The following DLGAP2 variants were observed in gnomAD, a reference collection of about 807,000 sequenced individuals.
The protein encoded by DLGAP2 is disks large-associated protein 2.
DLGAP2 carries 26 observed loss-of-function variants against 100.3 expected under a neutral mutation model. That is an observed-to-expected ratio of 0.26 (90% CI 0.19 to 0.36). The LOEUF is 0.36. Among genes scored for constraint, DLGAP2 ranks in the 10% least tolerant of loss-of-function variants. The pLI, the probability that DLGAP2 is intolerant of heterozygous loss-of-function variation, is 1.00. For missense variants in DLGAP2, 1,858 were observed against 1,453.2 expected (o/e 1.28, Z -4.53); for synonymous variants, 886 against 630.1 (o/e 1.41, Z -6.08).
At chr8:1,080,454 G>A (rs996288187) in intron 2 of DLGAP2, among the ~76,000 whole-genome samples, 5 of 152,208 alleles carry the variant, frequency 3.3e-5, no homozygotes, top group Admixed American at 2.6e-4. Flanking sequence ...GTGCTCACAC[G>A]TCTGAAGTGG....
intron 2 of DLGAP2, among the ~76,000 whole-genome samples, chr8:1,233,956 G>C (rs1798590664): frequency 6.6e-6 from 1 of 152,164 alleles, no homozygotes; most frequent in African/African-American, 2.4e-5. Flanking sequence ...CTAGGACGGG[G>C]TTTGACCAGG....
chr8:1,296,005 C>T (rs753161936), intron 3 of DLGAP2: 7 of 152,164 alleles, frequency 4.6e-5, no homozygotes, highest in Non-Finnish European at 8.8e-5. Flanking sequence ...TGAAGGTCAC[C>T]GAGCGCGTTA....
At chr8:1,156,981 C>T (rs1027146375) in intron 2 of DLGAP2, among the ~76,000 whole-genome samples, 26 of 152,084 alleles carry the variant, frequency 1.7e-4, no homozygotes, top group African/African-American at 6.3e-4. Flanking sequence ...ACTGTTACAG[C>T]TCCTCCCCCG....
chr8:1,264,923 A>G (rs1799422280), intron 3 of DLGAP2, among the ~76,000 whole-genome samples: 1 of 152,154 alleles, frequency 6.6e-6, no homozygotes, highest in African/African-American at 2.4e-5. Context: ...TGGTTTCATA[A>G]AGGGCAGTTC....
At chr8:1,490,715 C>G (rs1345529975) in intron 3 of DLGAP2, among the ~76,000 whole-genome samples, 2 of 152,268 alleles carry the variant, frequency 1.3e-5, no homozygotes, top group African/African-American at 4.8e-5. Context: ...ATGAACTGAC[C>G]TGGGCCCCAC....
rs74814607 is a variant in DLGAP2 at position 1,263,543 on chromosome 8, G to A, written c.106+4660G>A. 6.7e-3 allele frequency among the ~76,000 whole-genome samples: 1,021 copies of A among 152,270 alleles called. 9 individuals carry two copies. The highest frequency in any genetic ancestry group is 0.012 in the Admixed American group (177 of 15,286). On this transcript the variant is annotated intron_variant, in intron 3 of 14. Coordinates refer to ENST00000637795, the MANE Select transcript of DLGAP2 (RefSeq NM_001346810.2). Reference sequence around the variant, plus strand: ...TGGGAAAGTTTTCGTGCAGTTAGTAGCATTAAGTTCTTGCTTTTTAAATAC... The same window carrying A: ...TGGGAAAGTTTTCGTGCAGTTAGTAACATTAAGTTCTTGCTTTTTAAATAC...
At chr8:814,686 A>G (rs1363654208) in intron 1 of DLGAP2, among the ~76,000 whole-genome samples, 2 of 151,356 alleles carry the variant, frequency 1.3e-5, no homozygotes, top group Admixed American at 1.3e-4. Flanking sequence ...TCTCTACTAA[A>G]AATACAAAAA....
At chr8:1,653,540 T>C (rs916154122) in intron 8 of DLGAP2, among the ~76,000 whole-genome samples, 2 of 152,224 alleles carry the variant, frequency 1.3e-5, no homozygotes, top group African/African-American at 4.8e-5. Flanking sequence ...GCAACTTCAG[T>C]GCAAGGAGCC....
chr8:1,338,824 A>C (rs1487804440), intron 3 of DLGAP2, among the ~76,000 whole-genome samples: 1 of 90,910 alleles, frequency 1.1e-5, no homozygotes, highest in Non-Finnish European at 2.3e-5. Context: ...CAGTGACCTA[A>C]GGGAAGTGTC....
chr8:1,444,354 C>G (rs1022175524), intron 3 of DLGAP2, among the ~76,000 whole-genome samples: 1 of 152,240 alleles, frequency 6.6e-6, no homozygotes, highest in Non-Finnish European at 1.5e-5. Flanking sequence ...GTTAACAACA[C>G]TACCAAATAC....
chr8:1,514,903 C>T (rs1018788860), intron 4 of DLGAP2, among the ~76,000 whole-genome samples: 4 of 152,148 alleles, frequency 2.6e-5, no homozygotes, highest in African/African-American at 7.2e-5. Flanking sequence ...GCCAGCCCCA[C>T]GAGGGGAAGA....
At chr8:1,120,442 A>C (rs1199822780) in intron 2 of DLGAP2, among the ~76,000 whole-genome samples, 1 of 152,158 alleles carries the variant, frequency 6.6e-6, no homozygotes, top group Non-Finnish European at 1.5e-5. Context: ...ATGACTGTCC[A>C]TTCTAGACCC....
chr8:1,526,956 G>C (rs1800815327), intron 4 of DLGAP2, among the ~76,000 whole-genome samples: 1 of 152,234 alleles, frequency 6.6e-6, no homozygotes, highest in Non-Finnish European at 1.5e-5. Flanking sequence ...GTGGCCTCGA[G>C]TTAGGCTGCA....
At chr8:833,864 A>G (rs1225694016) in intron 1 of DLGAP2, among the ~76,000 whole-genome samples, 1 of 152,232 alleles carries the variant, frequency 6.6e-6, no homozygotes, top group African/African-American at 2.4e-5. Flanking sequence ...CTTTTATCTC[A>G]GAACATGACA....
intron 3 of DLGAP2, among the ~76,000 whole-genome samples, chr8:1,330,727 TTCACCAGGAC>T (rs1801135795): frequency 7.8e-6 from 1 of 128,444 alleles, no homozygotes; most frequent in African/African-American, 3.2e-5. Context: ...GGAGCGCCAC[TTCACCAGGAC>T]TGAGTTCTGG....
intron 3 of DLGAP2, among the ~76,000 whole-genome samples, chr8:1,359,987 C>G (rs1406723998): frequency 6.6e-6 from 1 of 152,346 alleles, no homozygotes; most frequent in East Asian, 1.9e-4. Context: ...CAGCACACCT[C>G]AGCATCGCCG....
chr8:1,346,948 G>T (rs984120467), intron 3 of DLGAP2, among the ~76,000 whole-genome samples: 17 of 151,532 alleles, frequency 1.1e-4, no homozygotes, highest in African/African-American at 3.9e-4. Flanking sequence ...TCTCATGGTA[G>T]CTCTGTGGAA....
intron 2 of DLGAP2, among the ~76,000 whole-genome samples, chr8:1,080,698 G>A (rs1271181938): frequency 2.0e-5 from 3 of 152,190 alleles, no homozygotes; most frequent in African/African-American, 7.2e-5. Context: ...TTGAACAGGT[G>A]CTTGTTCAGC....
intron 2 of DLGAP2, among the ~76,000 whole-genome samples, chr8:1,139,464 T>C (rs1334574684): frequency 3.3e-5 from 5 of 152,328 alleles, no homozygotes; most frequent in East Asian, 1.9e-4. Context: ...CACCCTCTCA[T>C]GTGTCCTCAC....
Sources: allele counts gnomAD v4.1 joint callset (sites outside exome capture counted in the v4.1 genomes callset), GRCh38; gene constraint gnomAD v4.1.1; transcripts MANE v1.5; gene names NCBI Gene and HGNC (gene_info 2026-07-23, HGNC 2026-07-21).